Variants in GATM observed in about 807,000 individuals in gnomAD.
The protein encoded by GATM is glycine amidinotransferase, mitochondrial.
GATM carries 23 observed loss-of-function variants against 54.2 expected under a neutral mutation model. The observed-to-expected ratio is 0.42, with a 90% CI of 0.31 to 0.60. The LOEUF is 0.60. GATM is among the 20% of genes least tolerant of loss of function. The probability of loss-of-function intolerance (pLI) is 0.14; values close to 1 mark genes in which losing one functional copy is unlikely to be tolerated. For missense variants in GATM, 401 were observed against 544.9 expected (o/e 0.74, Z 2.63); for synonymous variants, 168 against 183.1 (o/e 0.92, Z 0.67).
At chr15:45,369,270 T>C in intron 3 of GATM, 56 bp downstream of exon 3, 1 of 1,514,812 alleles carries the variant, frequency 6.6e-7, no homozygotes, top group Non-Finnish European at 9.2e-7. Context: ...CCTTACACAT[T>C]AAGAAAGAAA....
chr15:45,387,079 T>C (rs1263065026), intron 3 of GATM, among the ~76,000 whole-genome samples: 1 of 152,214 alleles, frequency 6.6e-6, no homozygotes, highest in East Asian at 1.9e-4. Context: ...AGCTATAAGA[T>C]GGAAATGGAA....
chr15:45,395,648 A>G (rs1320966884), intron 3 of GATM, among the ~76,000 whole-genome samples: 3 of 152,216 alleles, frequency 2.0e-5, no homozygotes, highest in Admixed American at 6.5e-5. Context: ...GATTAAGACA[A>G]GAACAATTTG....
intron 3 of GATM, among the ~76,000 whole-genome samples, chr15:45,383,697 C>T (rs544396697): frequency 8.7e-4 from 132 of 151,882 alleles, no homozygotes; most frequent in African/African-American, 2.9e-3. Context: ...CGGGTTAAAG[C>T]GATTTCTGGC....
At chr15:45,371,308 T>C (rs1889541056) in intron 2 of GATM, among the ~76,000 whole-genome samples, 1 of 152,218 alleles carries the variant, frequency 6.6e-6, no homozygotes, top group Non-Finnish European at 1.5e-5. Context: ...ATTGATATAT[T>C]TTAAGTTTAA....
chr15:45,380,722 C>T (rs138102383), upstream of GATM, among the ~76,000 whole-genome samples: 443 of 152,078 alleles, frequency 2.9e-3, 2 homozygotes, highest in African/African-American at 0.01. Flanking sequence ...ATGAAGTTTA[C>T]GATGTTGTTA....
intron 2 of GATM, among the ~76,000 whole-genome samples, chr15:45,372,667 A>C (rs904678668): frequency 6.6e-6 from 1 of 152,186 alleles, no homozygotes; most frequent in African/African-American, 2.4e-5. Context: ...GTCTTGCCAG[A>C]CTCATTCCAA....
chr15:45,381,675 A>G (rs1396446302), upstream of GATM, among the ~76,000 whole-genome samples: 1 of 152,248 alleles, frequency 6.6e-6, no homozygotes, highest in Non-Finnish European at 1.5e-5. Flanking sequence ...ATATACACAC[A>G]GATACACTGG....
intron 3 of GATM, among the ~76,000 whole-genome samples, chr15:45,396,622 A>AAG: frequency 6.6e-6 from 1 of 152,104 alleles, no homozygotes; most frequent in African/African-American, 2.4e-5. Context: ...TGTAATCCCA[A>AAG]TACTTTGGGA....
Position 45,363,998 on chromosome 15 carries a change from G to T in GATM, c.1061C>A (p.Ser354Ter). The change falls in exon 8 of 9, where the codon TCA (serine) becomes TAA (stop). Residue 354 changes from serine (S) to a stop codon, truncating the protein, a stop_gained. Transcript: ENST00000396659. LOFTEE classifies it high-confidence loss of function. Reference sequence around the variant, plus strand: ...GACATTCATGGAAAGCCATTTGGATGACATCCAGAGTGGATGATCTAAAAA... The same window carrying T: ...GACATTCATGGAAAGCCATTTGGATTACATCCAGAGTGGATGATCTAAAAA... ...IIPDDHPLWMSSKWLSMNVLM... is the reference protein window; with the variant it reads ...IIPDDHPLWM 1 of 1,607,394 alleles carries T rather than the reference G, an allele frequency of 6.2e-7. No individual in the cohort carries two copies. Among genetic ancestry groups the T allele is most frequent in the South Asian group, 1.1e-5 (1 of 90,844 alleles).
intron 1 of GATM, chr15:45,378,177 C>G: frequency 2.1e-6 from 1 of 478,426 alleles, no homozygotes; most frequent in Non-Finnish European, 3.7e-6. Context: ...TTCCCCCTGA[C>G]TGGGGGACGC....
At chr15:45,399,451 G>A (rs1270015008) in intron 2 of GATM, 1 of 152,184 alleles carries the variant, frequency 6.6e-6, no homozygotes, top group Non-Finnish European at 1.5e-5. Context: ...TCATGAATGG[G>A]ATTAGTGTGC....
upstream of GATM, among the ~76,000 whole-genome samples, chr15:45,382,656 G>A (rs924403038): frequency 1.7e-4 from 26 of 152,066 alleles, no homozygotes; most frequent in African/African-American, 5.8e-4. Context: ...AGCCAGGCGT[G>A]TTGGTGCACA....
At chr15:45,391,583 AG>A (rs1889874699) in intron 3 of GATM, among the ~76,000 whole-genome samples, 1 of 152,268 alleles carries the variant, frequency 6.6e-6, no homozygotes, top group Non-Finnish European at 1.5e-5. Context: ...TTTCTTGAAT[AG>A]ATTTGTTTGT....
intron 1 of GATM, chr15:45,378,181 G>T: frequency 4.2e-6 from 2 of 478,178 alleles, no homozygotes; most frequent in Non-Finnish European, 7.4e-6. Flanking sequence ...CCCTGACTGG[G>T]GGACGCCGCC....
intron 6 of GATM, 65 bp from the exon 7 acceptor site, chr15:45,364,925 C>G: frequency 8.0e-7 from 1 of 1,254,386 alleles, no homozygotes; most frequent in East Asian, 2.4e-5. Flanking sequence ...TTATTAGTCT[C>G]TAATAGCCCT....
rs144479042 is a variant in GATM at position 45,376,972 on chromosome 15, G to T, written c.70-153C>A. 1,028 of 705,038 alleles carry T rather than the reference G, an allele frequency of 1.5e-3. 1 individual carries two copies. The highest frequency in any genetic ancestry group is 2.1e-3 in the Non-Finnish European group (859 of 401,842). 43.7% of individuals were successfully genotyped at this position (705,038 alleles called of 1,614,324 possible). A position where few individuals can be genotyped will look rare whatever the true frequency, so the allele number is the denominator to read the frequency against. On this transcript the variant is annotated intron_variant, in intron 1 of 8. Transcript: ENST00000396659. The stretch of plus-strand genomic sequence containing the variant: ...CCAAGACGTTAACAGTGTGTAGGTG[G>T]GTAGTGGGATTACAGATAATTTTTT...
intron 2 of GATM, among the ~76,000 whole-genome samples, chr15:45,399,012 A>G (rs1387973799): frequency 6.6e-6 from 1 of 152,230 alleles, no homozygotes; most frequent in Non-Finnish European, 1.5e-5. Context: ...TTAATTAAAA[A>G]TTAGACAGAT....
rs775933965 is a variant in GATM at position 45,366,406 on chromosome 15, G to A, written c.778C>T (p.Arg260Ter). ...EPCFDAADFIRAGRDIFAQRS... is the reference protein window; with the variant it reads ...EPCFDAADFI ...TGTGCAAAAATATCTCTTCCAGCTC[G>A]AATGAAGTCAGCAGCATCAAAGCAT... is the stretch of plus-strand genomic sequence containing the variant. Residue 260 changes from arginine (R) to a stop codon, truncating the protein, a stop_gained, in exon 5 of 9, where the codon CGA (arginine) becomes TGA (stop). Coordinates refer to ENST00000396659, the MANE Select transcript of GATM (RefSeq NM_001482.3). LOFTEE classifies it high-confidence loss of function. The A allele has an allele frequency of 6.2e-7, 1 of 1,613,998 alleles. No homozygotes were observed. Among genetic ancestry groups the A allele is most frequent in the Non-Finnish European group, 8.5e-7 (1 of 1,180,024 alleles).
chr15:45,372,112 A>T (rs1319473271), intron 2 of GATM, among the ~76,000 whole-genome samples: 2 of 152,224 alleles, frequency 1.3e-5, no homozygotes, highest in African/African-American at 4.8e-5. Context: ...TCCATAGGCA[A>T]ATTTGGCCTG....
Sources: gnomAD v4.1 joint callset for allele counts (sites outside exome capture counted in the v4.1 genomes callset) on GRCh38, gnomAD v4.1.1 for gene constraint, MANE v1.5 for transcripts, NCBI Gene and HGNC (gene_info 2026-07-23, HGNC 2026-07-21) for gene names.